Variants in RABGAP1L observed in about 807,000 individuals in gnomAD.
The protein encoded by RABGAP1L is RAB GTPase activating protein 1 like.
Under a neutral mutation model 137.7 loss-of-function variants are expected in RABGAP1L, and 63 were observed. The ratio of observed to expected loss-of-function variants is 0.46; its 90% CI spans 0.37 to 0.56. RABGAP1L has a LOEUF of 0.56. Ranked by LOEUF, RABGAP1L falls within the 20% of genes least tolerant of loss-of-function variation. RABGAP1L has a pLI of 0.00. For synonymous variants in RABGAP1L, 431 were observed against 433.7 expected, an observed-to-expected ratio of 0.99 and a Z score of 0.08; for missense variants, 1,095 against 1,244.0, an observed-to-expected ratio of 0.88 and a Z score of 1.80.
chr1:174,879,850 G>A (rs61407110), intron 19 of RABGAP1L, among the ~76,000 whole-genome samples: 109 of 152,214 alleles, frequency 7.2e-4, no homozygotes, highest in African/African-American at 2.5e-3. Context: ...CCAGCACTTC[G>A]GGAGGCTGAA....
At chr1:174,611,967 G>A (rs1045673356) in intron 13 of RABGAP1L, among the ~76,000 whole-genome samples, 1 of 152,190 alleles carries the variant, frequency 6.6e-6, no homozygotes, top group Non-Finnish European at 1.5e-5. Flanking sequence ...CTGAGACATT[G>A]GGGTTTCTAG....
chr1:174,827,886 T>C (rs1246640264), intron 19 of RABGAP1L, among the ~76,000 whole-genome samples: 2 of 148,152 alleles, frequency 1.3e-5, no homozygotes, highest in African/African-American at 4.9e-5. Flanking sequence ...TTCCTCTCTT[T>C]TCCTGAAAGA....
chr1:174,677,496 G>A (rs1366470430), intron 14 of RABGAP1L, among the ~76,000 whole-genome samples: 1 of 152,226 alleles, frequency 6.6e-6, no homozygotes, highest in Non-Finnish European at 1.5e-5. Context: ...GGAAGCTGGG[G>A]TAGACCTGCT....
chr1:174,401,170 CA>C (rs1648534521), intron 13 of RABGAP1L, among the ~76,000 whole-genome samples: 1 of 152,092 alleles, frequency 6.6e-6, no homozygotes, highest in African/African-American at 2.4e-5. Flanking sequence ...GCCTTGGTAA[CA>C]GTGGTAGCTT....
At chr1:174,445,613 G>A (rs1306888000) in intron 13 of RABGAP1L, among the ~76,000 whole-genome samples, 2 of 152,108 alleles carry the variant, frequency 1.3e-5, no homozygotes, top group Non-Finnish European at 2.9e-5. Context: ...TCTAAGTTCT[G>A]TTAATTAAAA....
intron 17 of RABGAP1L, among the ~76,000 whole-genome samples, chr1:174,730,268 T>A (rs1355601971): frequency 3.3e-5 from 5 of 152,012 alleles, no homozygotes; most frequent in Non-Finnish European, 7.4e-5. Context: ...CTCAGGGACA[T>A]AAAGATAGCA....
chr1:174,568,896 A>G (rs1667764326), intron 13 of RABGAP1L, among the ~76,000 whole-genome samples: 1 of 152,196 alleles, frequency 6.6e-6, no homozygotes, highest in South Asian at 2.1e-4. Flanking sequence ...TTAGAAGGAA[A>G]TTAGTAAGAG....
intron 17 of RABGAP1L, among the ~76,000 whole-genome samples, chr1:174,710,956 G>A (rs1680444192): frequency 6.6e-6 from 1 of 152,180 alleles, no homozygotes; most frequent in South Asian, 2.1e-4. Context: ...CTGCGCAGGA[G>A]CCCACGGTGG....
intron 15 of RABGAP1L, among the ~76,000 whole-genome samples, chr1:174,686,694 G>A (rs967124964): frequency 1.6e-5 from 2 of 124,120 alleles, no homozygotes; most frequent in Non-Finnish European, 3.2e-5. Context: ...GTCTCGCTCA[G>A]TTGCCAGGCT....
At chr1:174,610,167 T>G (rs1340363453) in intron 13 of RABGAP1L, among the ~76,000 whole-genome samples, 4 of 150,724 alleles carry the variant, frequency 2.7e-5, no homozygotes, top group Non-Finnish European at 5.9e-5. Context: ...AACTCGTCAT[T>G]TAGCATTAGG....
chr1:174,336,739 T>C (rs770903635), intron 11 of RABGAP1L, among the ~76,000 whole-genome samples: 14 of 152,312 alleles, frequency 9.2e-5, no homozygotes, highest in Non-Finnish European at 1.6e-4. Flanking sequence ...TTATCAACTC[T>C]ATATGGTAGG....
intron 13 of RABGAP1L, among the ~76,000 whole-genome samples, chr1:174,437,128 G>A (rs1378932274): frequency 4.6e-5 from 7 of 152,166 alleles, no homozygotes; most frequent in African/African-American, 1.2e-4. Context: ...AGAAAACAGA[G>A]CAGAAAAACC....
intron 18 of RABGAP1L, among the ~76,000 whole-genome samples, chr1:174,769,730 G>A (rs568334084): frequency 8.5e-5 from 13 of 152,290 alleles, no homozygotes; most frequent in African/African-American, 2.2e-4. Flanking sequence ...GTGGGCGCCT[G>A]TAGTCCCAGC....
At chr1:174,561,593 A>G (rs1050446745) in intron 13 of RABGAP1L, among the ~76,000 whole-genome samples, 1 of 152,210 alleles carries the variant, frequency 6.6e-6, no homozygotes, top group Non-Finnish European at 1.5e-5. Context: ...GCATCATGCT[A>G]CCTTACTTCA....
intron 19 of RABGAP1L, among the ~76,000 whole-genome samples, chr1:174,911,753 A>G (rs376148324): frequency 1.3e-5 from 2 of 152,252 alleles, no homozygotes; most frequent in South Asian, 2.1e-4. Context: ...GAGTTGCACT[A>G]TGCTTGCCTT....
At chr1:174,601,852 A>G (rs1232741477) in intron 13 of RABGAP1L, among the ~76,000 whole-genome samples, 1 of 152,072 alleles carries the variant, frequency 6.6e-6, no homozygotes, top group East Asian at 1.9e-4. Context: ...AGTTCCACAA[A>G]TCTCTAGGGC....
chr1:174,663,967 G>C (rs1676572504), intron 14 of RABGAP1L, among the ~76,000 whole-genome samples: 1 of 152,166 alleles, frequency 6.6e-6, no homozygotes, highest in South Asian at 2.1e-4. Context: ...CTCAGAGGCT[G>C]TGATGTGCCT....
At chr1:174,406,324 A>C (rs1649273066) in intron 13 of RABGAP1L, among the ~76,000 whole-genome samples, 1 of 152,226 alleles carries the variant, frequency 6.6e-6, no homozygotes, top group Non-Finnish European at 1.5e-5. Flanking sequence ...TATTAGTAAC[A>C]AATATAGTTT....
At chr1:174,771,604 A>C (rs1229039472) in intron 18 of RABGAP1L, among the ~76,000 whole-genome samples, 1 of 152,210 alleles carries the variant, frequency 6.6e-6, no homozygotes, top group Non-Finnish European at 1.5e-5. Context: ...ACCATACTTG[A>C]ATATAAACAA....
Sources: allele counts gnomAD v4.1 joint callset (sites outside exome capture counted in the v4.1 genomes callset), GRCh38; gene constraint gnomAD v4.1.1; transcripts MANE v1.5; gene names NCBI Gene and HGNC (gene_info 2026-07-23, HGNC 2026-07-21).